Variants in APBA2 observed in about 807,000 individuals in gnomAD.
The protein encoded by APBA2 is amyloid beta precursor protein binding family A member 2.
In APBA2, 30 loss-of-function variants were observed where a neutral mutation model predicts 75.0. That is an observed-to-expected ratio of 0.40 (90% CI 0.30 to 0.54). The LOEUF is 0.54. APBA2 is among the 20% of genes least tolerant of loss of function. APBA2 has a pLI of 0.49. For synonymous variants in APBA2, 444 were observed against 409.6 expected (o/e 1.08, Z -1.01); for missense variants, 801 against 1,016.1 (o/e 0.79, Z 2.88).
At position 29,108,577 on chromosome 15, in the gene APBA2, AG is replaced by A. The variant is rs771130777; in HGVS notation, c.2037+192del. ...GGCTCTCTGGGAGGTCCTGGCTAGA[AG>A]GGGAGGGCCAGGGCATGGCCGTGGA... is the stretch of plus-strand genomic sequence containing the variant. On this transcript the variant is annotated intron_variant, in intron 13 of 14. Transcript: ENST00000683413. The A allele has an allele frequency of 4.6e-6, 4 of 869,596 alleles. No homozygotes were observed. The East Asian group carries it at 8.0e-5, about 17-fold the overall frequency. 53.9% of individuals were successfully genotyped at this position (869,596 alleles called of 1,614,324 possible).
intron 2 of APBA2, among the ~76,000 whole-genome samples, chr15:28,978,269 G>A (rs909346522): frequency 5.9e-5 from 9 of 152,184 alleles, no homozygotes; most frequent in African/African-American, 2.2e-4. Flanking sequence ...GCCATAAGCC[G>A]CATGATCCGT....
chr15:29,036,681 C>G (rs535592260), intron 3 of APBA2, among the ~76,000 whole-genome samples: 3 of 152,304 alleles, frequency 2.0e-5, no homozygotes, highest in East Asian at 3.9e-4. Context: ...GCTGAACACC[C>G]CAGAGTTCCC....
chr15:29,055,919 T>C (rs1161759858), intron 4 of APBA2, among the ~76,000 whole-genome samples: 1 of 152,196 alleles, frequency 6.6e-6, no homozygotes, highest in Non-Finnish European at 1.5e-5. Context: ...GGAGCTCCCA[T>C]GGTACTAGTG....
At chr15:29,037,355 T>C (rs903791053) in intron 3 of APBA2, among the ~76,000 whole-genome samples, 1 of 152,080 alleles carries the variant, frequency 6.6e-6, no homozygotes, top group African/African-American at 2.4e-5. Flanking sequence ...GTAGCCACCG[T>C]GTACAGAAAG....
chr15:28,896,895 A>G, intron 1 of APBA2, among the ~76,000 whole-genome samples: 1 of 152,174 alleles, frequency 6.6e-6, no homozygotes, highest in East Asian at 1.9e-4. Flanking sequence ...CCACCCATCC[A>G]GTCCCTGACA....
chr15:28,973,646 T>TA (rs575314269), intron 2 of APBA2, among the ~76,000 whole-genome samples: 1 of 152,130 alleles, frequency 6.6e-6, no homozygotes, highest in Non-Finnish European at 1.5e-5. Context: ...TTAAAATGTT[T>TA]AAAAAAAATT....
chr15:28,918,241 C>T lies in APBA2; in HGVS notation c.-204-3399C>T, dbSNP rs1595452860. On this transcript the variant is annotated intron_variant, in intron 1 of 14. Coordinates refer to ENST00000683413, the MANE Select transcript of APBA2 (RefSeq NM_001353788.2). This position sits in a 1 kb window ranked among gnomAD's most constrained non-coding sequence, Gnocchi z 4.2. ...AGAAGCGTTCCTGGCGCCACGGAGC[C>T]GGTCAGTGACAGAGCCGGGTCTCAA... is the stretch of plus-strand genomic sequence containing the variant. Among the ~76,000 whole-genome samples, 1 of 152,292 alleles carries T rather than the reference C, an allele frequency of 6.6e-6. No homozygotes were observed. Among genetic ancestry groups the T allele is most frequent in the East Asian group, 1.9e-4 (1 of 5,154 alleles).
intron 2 of APBA2, among the ~76,000 whole-genome samples, chr15:28,939,566 T>A (rs535528467): frequency 6.6e-6 from 1 of 152,262 alleles, no homozygotes; most frequent in African/African-American, 2.4e-5. Flanking sequence ...CTTCCTTTTT[T>A]AAATGGTACT....
intron 3 of APBA2, among the ~76,000 whole-genome samples, chr15:29,027,001 A>G (rs1366237863): frequency 6.6e-6 from 1 of 152,210 alleles, no homozygotes; most frequent in Non-Finnish European, 1.5e-5. Flanking sequence ...GCAATAGCCA[A>G]TTTTAATGGT....
At chr15:29,091,199 C>A (rs1356430812) in intron 6 of APBA2, among the ~76,000 whole-genome samples, 1 of 152,128 alleles carries the variant, frequency 6.6e-6, no homozygotes, top group Non-Finnish European at 1.5e-5. Context: ...GGCTCCAGGG[C>A]AAGGGGTGAA....
chr15:29,004,532 T>C (rs1280476851), intron 3 of APBA2, among the ~76,000 whole-genome samples: 1 of 152,112 alleles, frequency 6.6e-6, no homozygotes, highest in African/African-American at 2.4e-5. Context: ...CAAATGCAGG[T>C]CATATTCTGC....
chr15:28,955,030 C>A (rs573448118), intron 2 of APBA2, among the ~76,000 whole-genome samples: 1 of 152,148 alleles, frequency 6.6e-6, no homozygotes, highest in Non-Finnish European at 1.5e-5. Flanking sequence ...CCATTGCTCA[C>A]GGTTCACCCA....
intron 14 of APBA2, among the ~76,000 whole-genome samples, chr15:29,114,789 AGT>A (rs67521715): frequency 0.68 from 95,544 of 140,978 alleles, 36,835 homozygotes; most frequent in Non-Finnish European, 0.87. Flanking sequence ...CGTGTGGAGG[AGT>A]GTGTGTGTGT....
intron 1 of APBA2, among the ~76,000 whole-genome samples, chr15:28,920,307 G>A (rs1295268973): frequency 6.6e-6 from 1 of 152,250 alleles, no homozygotes; most frequent in East Asian, 1.9e-4. Flanking sequence ...CACAGAAGAG[G>A]TGAGGCACAG....
intron 3 of APBA2, among the ~76,000 whole-genome samples, chr15:29,018,521 T>G (rs2039792749): frequency 6.6e-6 from 1 of 152,088 alleles, no homozygotes; most frequent in Admixed American, 6.5e-5. Context: ...GCCAGACAAG[T>G]CATCAGGGCT....
At chr15:29,005,209 C>T (rs769085357) in intron 3 of APBA2, among the ~76,000 whole-genome samples, 2 of 152,186 alleles carry the variant, frequency 1.3e-5, no homozygotes, top group African/African-American at 2.4e-5. Context: ...GAGCAGACTG[C>T]TTGATCTCTC....
Position 29,105,484 on chromosome 15 carries a change from A to T in APBA2, c.1630A>T (p.Ser544Cys). Residue 544 changes from serine to cysteine, a missense_variant, in exon 11 of 15, where the codon AGC (serine) becomes TGC (cysteine). By Grantham distance (112) the Ser-to-Cys change is moderately radical (BLOSUM62 -1). Coordinates refer to ENST00000683413, the MANE Select transcript of APBA2 (RefSeq NM_001353788.2). ...NPEDLSQKEYSDIINTQEMYN... is the reference protein window; with the variant it reads ...NPEDLSQKEYCDIINTQEMYN... ...CGAAGACTTGAGCCAGAAGGAATAC[A>T]GCGACATCATCAACACCCAGGAGAT... is the stretch of plus-strand genomic sequence containing the variant. 3.1e-6 allele frequency: 5 copies of T among 1,614,012 alleles called. No homozygotes were observed. The highest frequency in any genetic ancestry group is 4.2e-6 in the Non-Finnish European group (5 of 1,180,036).
chr15:28,983,645 C>CGGTGTA (rs2037745004), intron 2 of APBA2, among the ~76,000 whole-genome samples: 1 of 152,192 alleles, frequency 6.6e-6, no homozygotes, highest in Non-Finnish European at 1.5e-5. Flanking sequence ...ACCCACCTCG[C>CGGTGTA]GGTGTAGGAG....
At chr15:29,011,545 C>T (rs2039403929) in intron 3 of APBA2, among the ~76,000 whole-genome samples, 1 of 152,084 alleles carries the variant, frequency 6.6e-6, no homozygotes, top group South Asian at 2.1e-4. Context: ...TAGACTTGTC[C>T]ACCATATGAT....
Sources: allele counts gnomAD v4.1 joint callset (sites outside exome capture counted in the v4.1 genomes callset), GRCh38; gene constraint gnomAD v4.1.1; non-coding constraint Gnocchi (gnomAD v3.1); transcripts MANE v1.5; gene names NCBI Gene and HGNC (gene_info 2026-07-23, HGNC 2026-07-21).